Variants in MCUB observed in about 807,000 individuals in gnomAD.
MCUB encodes mitochondrial calcium uniporter dominant negative subunit beta.
A neutral mutation model predicts 41.4 loss-of-function variants in MCUB; 46 were observed. That is an observed-to-expected ratio of 1.11 (90% CI 0.88 to 1.42). The LOEUF (loss-of-function observed/expected upper bound fraction) is 1.42. MCUB is among the 40% of genes most tolerant of loss of function. The probability of loss-of-function intolerance (pLI) is 0.00; values close to 1 mark genes in which losing one functional copy is unlikely to be tolerated. For missense variants in MCUB, 403 were observed against 404.9 expected, an observed-to-expected ratio of 1.00 and a Z score of 0.04; for synonymous variants, 148 against 148.2, an observed-to-expected ratio of 1.00 and a Z score of 0.01.
intron 4 of MCUB, among the ~76,000 whole-genome samples, chr4:109,672,084 A>G (rs1310049435): frequency 6.6e-6 from 1 of 151,812 alleles, no homozygotes; most frequent in East Asian, 1.9e-4. Context: ...TTAAATATAT[A>G]TATATTTTTA....
chr4:109,617,166 C>T (rs1241353276), intron 1 of MCUB, among the ~76,000 whole-genome samples: 1 of 152,214 alleles, frequency 6.6e-6, no homozygotes, highest in Non-Finnish European at 1.5e-5. Flanking sequence ...TTTGCCTCAA[C>T]TCTGGCACAG....
chr4:109,665,418 A>G (rs61396421), intron 4 of MCUB, among the ~76,000 whole-genome samples: 7,692 of 152,208 alleles, frequency 0.051, 676 homozygotes, highest in African/African-American at 0.18. Flanking sequence ...TAGTTGTTTC[A>G]TTTAAAGTTG....
intron 4 of MCUB, among the ~76,000 whole-genome samples, chr4:109,680,613 A>C (rs1006602644): frequency 2.6e-5 from 4 of 152,160 alleles, no homozygotes; most frequent in African/African-American, 9.7e-5. Context: ...CAAAGCCTAA[A>C]AGAGAACACC....
intron 1 of MCUB, among the ~76,000 whole-genome samples, chr4:109,573,696 A>C (rs569499782): frequency 6.6e-6 from 1 of 152,106 alleles, no homozygotes; most frequent in Admixed American, 6.6e-5. Flanking sequence ...AAACAGTTCC[A>C]TTTCATTACA....
intron 1 of MCUB, 92 bp downstream of exon 1, chr4:109,560,528 G>A (rs1348680571): frequency 3.3e-6 from 2 of 613,686 alleles, no homozygotes; most frequent in Non-Finnish European, 4.7e-6. Context: ...CCGAGCGGCC[G>A]AGCAGTCAAC....
At chr4:109,642,661 T>G (rs1370671217) in intron 1 of MCUB, among the ~76,000 whole-genome samples, 1 of 152,094 alleles carries the variant, frequency 6.6e-6, no homozygotes, top group African/African-American at 2.4e-5. Flanking sequence ...ATCTTTTTTA[T>G]TTTCTGCTTG....
intron 1 of MCUB, among the ~76,000 whole-genome samples, chr4:109,615,386 A>T (rs2126134388): frequency 6.6e-6 from 1 of 151,816 alleles, no homozygotes; most frequent in African/African-American, 2.4e-5. Context: ...CCTCAACAGT[A>T]TTATTATCAT....
chr4:109,575,050 C>T (rs1349975687), intron 1 of MCUB, among the ~76,000 whole-genome samples: 1 of 152,196 alleles, frequency 6.6e-6, no homozygotes, highest in East Asian at 1.9e-4. Context: ...AGGGCTGCCG[C>T]AGGTCAGAAT....
At chr4:109,591,995 C>T (rs968454959) in intron 1 of MCUB, among the ~76,000 whole-genome samples, 10 of 152,176 alleles carry the variant, frequency 6.6e-5, no homozygotes, top group Admixed American at 5.2e-4. Context: ...CCACGACGCC[C>T]AGCCTCTCGA....
At chr4:109,584,469 C>G (rs1027331156) in intron 1 of MCUB, among the ~76,000 whole-genome samples, 2 of 152,012 alleles carry the variant, frequency 1.3e-5, no homozygotes, top group African/African-American at 2.4e-5. Flanking sequence ...CTGCTCTGAT[C>G]TTAGTTATTT....
intron 4 of MCUB, among the ~76,000 whole-genome samples, chr4:109,679,216 CAG>C (rs1440515240): frequency 8.5e-5 from 13 of 152,336 alleles, no homozygotes; most frequent in African/African-American, 3.1e-4. Context: ...GGTGGCCCGG[CAG>C]AGACACTCCT....
chr4:109,564,970 C>G (rs549026266), intron 1 of MCUB, among the ~76,000 whole-genome samples: 1 of 152,180 alleles, frequency 6.6e-6, no homozygotes, highest in Non-Finnish European at 1.5e-5. Flanking sequence ...ATGTATTGAG[C>G]ACCTTCGATG....
intron 1 of MCUB, 145 bp downstream of exon 1, chr4:109,560,581 G>C (rs1355247008): frequency 7.0e-6 from 3 of 426,364 alleles, no homozygotes; most frequent in South Asian, 2.3e-4. Context: ...GGGCGGTCCC[G>C]ACAGGTGGTG....
At chr4:109,575,121 C>T (rs577859693) in intron 1 of MCUB, among the ~76,000 whole-genome samples, 46 of 152,220 alleles carry the variant, frequency 3.0e-4, no homozygotes, top group Non-Finnish European at 2.9e-5. Context: ...TCTGAGGTCC[C>T]TTGGGTACCC....
At chr4:109,665,637 T>C (rs191488509) in intron 4 of MCUB, among the ~76,000 whole-genome samples, 29 of 152,324 alleles carry the variant, frequency 1.9e-4, no homozygotes, top group Admixed American at 1.8e-3. Context: ...GTGTAAATGG[T>C]TGTTATACTA....
intron 1 of MCUB, among the ~76,000 whole-genome samples, chr4:109,589,843 G>C (rs551166684): frequency 1.3e-5 from 2 of 152,152 alleles, no homozygotes; most frequent in Non-Finnish European, 2.9e-5. Flanking sequence ...ACTTTTGTCC[G>C]TCTGCCTGAC....
chr4:109,604,408 G>GT (rs947016472), intron 1 of MCUB, among the ~76,000 whole-genome samples: 22 of 152,198 alleles, frequency 1.4e-4, no homozygotes, highest in African/African-American at 5.3e-4. Flanking sequence ...AAAAAAAATA[G>GT]TTTTTTGGTG....
chr4:109,677,800 A>G (rs1381207171), intron 4 of MCUB, among the ~76,000 whole-genome samples: 6 of 118,980 alleles, frequency 5.0e-5, no homozygotes, highest in African/African-American at 2.2e-4. Flanking sequence ...ATAAGGAAAC[A>G]AATTTTTTTT....
At chr4:109,607,576 TTGATGAAATCCTTCA>T in intron 1 of MCUB, among the ~76,000 whole-genome samples, 1 of 152,248 alleles carries the variant, frequency 6.6e-6, no homozygotes, top group South Asian at 2.1e-4. Context: ...AGGTCTGGTG[TTGATGAAATCCTTCA>T]ACTTTTGTTT....
Sources: allele counts gnomAD v4.1 joint callset (sites outside exome capture counted in the v4.1 genomes callset), GRCh38; gene constraint gnomAD v4.1.1; transcripts MANE v1.5; gene names NCBI Gene and HGNC (gene_info 2026-07-23, HGNC 2026-07-21).